ZDHHC11B: variants seen among roughly 807,000 people sequenced by gnomAD.
ZDHHC11B encodes zDHHC palmitoyltransferase 11B (putative).
In ZDHHC11B, 17 loss-of-function variants were observed where a neutral mutation model predicts 42.3. The ratio of observed to expected loss-of-function variants is 0.40; its 90% CI spans 0.27 to 0.60. The LOEUF (loss-of-function observed/expected upper bound fraction) is 0.60, where lower values mean the gene tolerates loss of function less well. ZDHHC11B is among the 20% of genes least tolerant of loss of function. The pLI, the probability that ZDHHC11B is intolerant of heterozygous loss-of-function variation, is 0.41. For missense variants in ZDHHC11B, 262 were observed against 463.2 expected (o/e 0.57, Z 3.99); for synonymous variants, 123 against 193.5 (o/e 0.64, Z 3.02).
At chr5:728,873 C>T (rs4466211) in intron 12 of ZDHHC11B, among the ~76,000 whole-genome samples, 59 of 151,842 alleles carry the variant, frequency 3.9e-4, no homozygotes, top group Middle Eastern at 3.4e-3. Context: ...GTTGGCTCAG[C>T]GTGGTGGCAT....
intron 12 of ZDHHC11B, among the ~76,000 whole-genome samples, chr5:719,734 A>C (rs1742044408): frequency 6.6e-6 from 1 of 151,776 alleles, no homozygotes; most frequent in Non-Finnish European, 1.5e-5. Flanking sequence ...GTAGAAGAGA[A>C]AAGGAAAGAG....
chr5:758,520 G>A (rs1734159113), intron 4 of ZDHHC11B, among the ~76,000 whole-genome samples: 1 of 151,806 alleles, frequency 6.6e-6, no homozygotes, highest in Non-Finnish European at 1.5e-5. Flanking sequence ...TCCCTGTGGA[G>A]GAGCTCAGGG....
chr5:750,673 G>A (rs1224919883), intron 7 of ZDHHC11B, among the ~76,000 whole-genome samples: 12 of 124,222 alleles, frequency 9.7e-5, no homozygotes, highest in Admixed American at 1.9e-4. Flanking sequence ...CCCAGGCTCC[G>A]GGCCCACTTG....
chr5:718,343 A>C lies in ZDHHC11B; in HGVS notation c.1059-1478T>G, dbSNP rs1741919742. Among the ~76,000 whole-genome samples the C allele has an allele frequency of 1.3e-5, 2 of 151,888 alleles. 1 individual carries two copies. Among genetic ancestry groups the C allele is most frequent in the African/African-American group, 4.8e-5 (2 of 41,280 alleles). On this transcript the variant is annotated intron_variant, in intron 12 of 13. Coordinates refer to ENST00000508859, the MANE Select transcript of ZDHHC11B (RefSeq NM_001351303.2). ...TGCAATGAATTATTTGGAAACTCTG[A>C]AACCTAGTCAGACATGTATGGGAGA...
rs1412876072 is a variant in ZDHHC11B, at chr5:741,347, T to G, written c.935+247A>C. Among the ~76,000 whole-genome samples, 18 of 149,132 alleles carry G rather than the reference T, an allele frequency of 1.2e-4. 1 individual carries two copies. Among genetic ancestry groups the G allele is most frequent in the Admixed American group, 8.9e-4 (13 of 14,682 alleles). On this transcript the variant is annotated intron_variant, in intron 10 of 13. Transcript: ENST00000508859. The stretch of plus-strand genomic sequence containing the variant: ...AGCGGGTCGTACTCTTGTGTGTTAG[T>G]TTAGATGTTAGTTATGAAGAAGGGA...
intron 12 of ZDHHC11B, among the ~76,000 whole-genome samples, chr5:719,635 A>C (rs1742034712): frequency 6.6e-6 from 1 of 151,436 alleles, no homozygotes; most frequent in South Asian, 2.1e-4. Flanking sequence ...CAGAAAAAAA[A>C]AAAAAGAATG....
rs111628031 is a variant in ZDHHC11B, at chr5:757,578, G to A, written c.223-1434C>T. On this transcript the variant is annotated intron_variant, in intron 4 of 13. Coordinates refer to ENST00000508859, the MANE Select transcript of ZDHHC11B (RefSeq NM_001351303.2). ...ATGAGGGTCCCGTAAGAAGCGTGCT[G>A]CAATGCATGGGAAGCCTGAGTGTGA... Among the ~76,000 whole-genome samples, 633 of 151,886 alleles carry A rather than the reference G, an allele frequency of 4.2e-3. 17 individuals are homozygous for A. The highest frequency in any genetic ancestry group is 0.015 in the African/African-American group (610 of 41,316).
In ZDHHC11B at chr5:711,208, C is replaced by T. The variant is rs1165762894; in HGVS notation, c.*1082G>A. 11 of 154,592 alleles carry T rather than the reference C, an allele frequency of 7.1e-5. No homozygotes were observed. Among genetic ancestry groups the T allele is most frequent in the African/African-American group, 2.7e-4 (11 of 40,706 alleles). The allele number at this position is 154,592 out of a possible 1,614,324, so 9.6% of individuals were successfully genotyped here. ...TCCCATTTCCCAGTGCTGTGCCCTC[C>T]CCTTTCCCAGTACTGTGCTCCCATT... On this transcript the variant is annotated 3_prime_UTR_variant, in exon 14 of 14. Transcript: ENST00000508859.
At chr5:783,153 T>A (rs1736981268) in intron 1 of ZDHHC11B, among the ~76,000 whole-genome samples, 1 of 152,338 alleles carries the variant, frequency 6.6e-6, no homozygotes, top group Non-Finnish European at 1.5e-5. Flanking sequence ...TTAGAAACCA[T>A]GAAAGCTGCA....
chr5:777,284 T>G (rs1736590850), intron 1 of ZDHHC11B, among the ~76,000 whole-genome samples: 1 of 151,794 alleles, frequency 6.6e-6, no homozygotes, highest in African/African-American at 2.4e-5. Context: ...TTCCCGTGGG[T>G]TCCTAGTCTC....
chr5:775,137 T>C (rs923352510), intron 1 of ZDHHC11B, among the ~76,000 whole-genome samples: 1 of 151,954 alleles, frequency 6.6e-6, no homozygotes, highest in African/African-American at 2.4e-5. Context: ...CTGGCCTCCC[T>C]GAGAACCTCT....
intron 7 of ZDHHC11B, among the ~76,000 whole-genome samples, chr5:750,793 G>A (rs184938934): frequency 0.01 from 1,169 of 115,084 alleles, 49 homozygotes; most frequent in Middle Eastern, 0.032. Flanking sequence ...CCCTCCCACA[G>A]CTACATGGCC....
chr5:729,627 T>C (rs997009390), intron 12 of ZDHHC11B, among the ~76,000 whole-genome samples: 1 of 151,128 alleles, frequency 6.6e-6, no homozygotes, highest in Non-Finnish European at 1.5e-5. Flanking sequence ...CCACTTCATT[T>C]TCTTTTAGGT....
intron 6 of ZDHHC11B, among the ~76,000 whole-genome samples, chr5:753,191 G>A (rs1464763379): frequency 1.5e-5 from 2 of 129,048 alleles, no homozygotes; most frequent in Non-Finnish European, 3.5e-5. Context: ...TCTGCCATCA[G>A]CTGGGCCTCC....
chr5:774,591 CA>C (rs1736316443), intron 1 of ZDHHC11B, among the ~76,000 whole-genome samples: 1 of 55,692 alleles, frequency 1.8e-5, no homozygotes, highest in African/African-American at 4.0e-5. Flanking sequence ...TCACTAGGGC[CA>C]GGGGTCTGCC....
rs1448015386 is a variant in ZDHHC11B, at chr5:766,877, C to T, written c.43G>A (p.Ala15Thr). 3 of 1,612,680 alleles carry T rather than the reference C, an allele frequency of 1.9e-6. No individual in the cohort carries two copies. Among genetic ancestry groups the T allele is most frequent in the Non-Finnish European group, 2.5e-6 (3 of 1,179,222 alleles). ...ACCAGCTCTTCATTGTTGCGTATGG[C>T]TTCTGGGGTGACGGAACACTGGCTC... is the stretch of plus-strand genomic sequence containing the variant. The part of the protein sequence containing the change: ...SGSQCSVTPE[A>T]IRNNEELVLP... The change falls in exon 4 of 14, where the codon GCC (alanine) becomes ACC (threonine). Residue 15 changes from alanine to threonine, a missense_variant. Ala to Thr is a moderately conservative substitution (Grantham distance 58). Around this residue, in one of 5 missense-constraint regions of ZDHHC11B, gnomAD observed 97 missense variants for 98.1 expected, o/e 0.99. Transcript: ENST00000508859.
At chr5:737,760 T>TA (rs1343462300) in intron 10 of ZDHHC11B, among the ~76,000 whole-genome samples, 24 of 149,332 alleles carry the variant, frequency 1.6e-4, no homozygotes, top group Admixed American at 3.4e-4. Context: ...CATCCCTTTA[T>TA]AATAGAACAC....
At chr5:766,943 C>T in intron 3 of ZDHHC11B, 24 bp from the exon 4 acceptor site, 2 of 1,606,536 alleles carry the variant, frequency 1.2e-6, no homozygotes, top group East Asian at 2.2e-5. Flanking sequence ...AAGGGGAGGA[C>T]CTGCGCCATC....
chr5:758,326 C>A, intron 4 of ZDHHC11B, among the ~76,000 whole-genome samples: 1 of 151,868 alleles, frequency 6.6e-6, no homozygotes, highest in East Asian at 1.9e-4. Flanking sequence ...GGCCTCTGCA[C>A]GAGCAGCAGG....
Sources: gnomAD v4.1 joint callset for allele counts (sites outside exome capture counted in the v4.1 genomes callset) on GRCh38, gnomAD v4.1.1 for gene constraint, gnomAD v4.1.1 regional missense constraint, MANE v1.5 for transcripts, NCBI Gene and HGNC (gene_info 2026-07-23, HGNC 2026-07-21) for gene names.